SGCZ: variants seen among roughly 807,000 people sequenced by gnomAD.
The protein encoded by SGCZ is sarcoglycan zeta.
Under a neutral mutation model 41.3 loss-of-function variants are expected in SGCZ, and 40 were observed. That is an observed-to-expected ratio of 0.97 (90% CI 0.75 to 1.26). The LOEUF is 1.26. SGCZ is among the 50% of genes most tolerant of loss of function. SGCZ has a pLI of 0.00. For synonymous variants in SGCZ, 206 were observed against 137.5 expected, an observed-to-expected ratio of 1.50 and a Z score of -3.49; for missense variants, 552 against 369.8, an observed-to-expected ratio of 1.49 and a Z score of -4.04.
intron 1 of SGCZ, among the ~76,000 whole-genome samples, chr8:14,599,054 T>G (rs1204231080): frequency 6.6e-6 from 1 of 152,156 alleles, no homozygotes; most frequent in African/African-American, 2.4e-5. Context: ...CCAATGATAT[T>G]GTGGTCTTCC....
At chr8:14,944,231 T>C (rs1297975862) in intron 1 of SGCZ, among the ~76,000 whole-genome samples, 2 of 152,186 alleles carry the variant, frequency 1.3e-5, no homozygotes, top group Admixed American at 1.3e-4. Flanking sequence ...TCTTGGTAGA[T>C]CTCTTAAGCA....
chr8:14,606,132 G>A (rs1481298644), intron 1 of SGCZ, among the ~76,000 whole-genome samples: 1 of 151,644 alleles, frequency 6.6e-6, no homozygotes, highest in Admixed American at 6.6e-5. Flanking sequence ...ACAATGTATA[G>A]CCATGACTTC....
intron 1 of SGCZ, among the ~76,000 whole-genome samples, chr8:14,665,748 T>G (rs1157349616): frequency 6.6e-6 from 1 of 152,198 alleles, no homozygotes; most frequent in Non-Finnish European, 1.5e-5. Flanking sequence ...GCATCTATAT[T>G]TTCTTCTTCT....
chr8:14,361,610 G>A (rs1360167656), intron 2 of SGCZ, among the ~76,000 whole-genome samples: 3 of 152,066 alleles, frequency 2.0e-5, no homozygotes, highest in Non-Finnish European at 4.4e-5. Context: ...TAGCTTCCTT[G>A]CGATGGGTTA....
intron 2 of SGCZ, among the ~76,000 whole-genome samples, chr8:14,506,163 C>G (rs1296887816): frequency 6.6e-6 from 1 of 151,594 alleles, no homozygotes. Context: ...TGATGAAACC[C>G]TGTGTCTACT....
At chr8:14,139,663 C>G (rs892576855) in intron 5 of SGCZ, among the ~76,000 whole-genome samples, 1 of 152,068 alleles carries the variant, frequency 6.6e-6, no homozygotes, top group East Asian at 1.9e-4. Flanking sequence ...CCTGAATAGA[C>G]TAAAAACAGC....
intron 1 of SGCZ, among the ~76,000 whole-genome samples, chr8:14,556,323 A>G (rs890668447): frequency 3.0e-4 from 45 of 151,780 alleles, no homozygotes; most frequent in Admixed American, 2.6e-3. Flanking sequence ...ATTATACACA[A>G]ATAAAAATAA....
chr8:14,456,366 C>T (rs1800745306), intron 2 of SGCZ, among the ~76,000 whole-genome samples: 2 of 152,076 alleles, frequency 1.3e-5, no homozygotes, highest in South Asian at 4.2e-4. Context: ...CAAGACTGCA[C>T]CATTGCACTC....
chr8:14,188,815 TG>T (rs199516200), intron 4 of SGCZ, among the ~76,000 whole-genome samples: 6,703 of 34,188 alleles, frequency 0.2, 187 homozygotes, highest in African/African-American at 0.35. Context: ...TTTGTTTGTT[TG>T]TTTCTTTGTT....
At chr8:14,178,009 G>A (rs1202639249) in intron 4 of SGCZ, among the ~76,000 whole-genome samples, 9 of 120,488 alleles carry the variant, frequency 7.5e-5, no homozygotes, top group African/African-American at 2.3e-4. Context: ...CCAGGCTGGA[G>A]TGCAGTGGCA....
At chr8:15,118,635 G>A (rs1014360114) in intron 1 of SGCZ, among the ~76,000 whole-genome samples, 46 of 152,036 alleles carry the variant, frequency 3.0e-4, no homozygotes, top group African/African-American at 1.1e-3. Flanking sequence ...GAAGTTAATA[G>A]GTCAATCAAA....
chr8:14,200,374 G>A (rs917594137), intron 4 of SGCZ, among the ~76,000 whole-genome samples: 1 of 151,978 alleles, frequency 6.6e-6, no homozygotes, highest in Non-Finnish European at 1.5e-5. Context: ...ATTTGTTAGT[G>A]GAAAATTGAA....
intron 1 of SGCZ, among the ~76,000 whole-genome samples, chr8:15,035,438 C>G (rs79228577): frequency 1.3e-3 from 205 of 152,148 alleles, no homozygotes; most frequent in African/African-American, 4.6e-3. Flanking sequence ...AAGAAAGGAA[C>G]AAAGGATCTG....
At chr8:14,373,488 C>T (rs1387043681) in intron 2 of SGCZ, among the ~76,000 whole-genome samples, 1 of 152,116 alleles carries the variant, frequency 6.6e-6, no homozygotes, top group Non-Finnish European at 1.5e-5. Flanking sequence ...AATAAGTGAG[C>T]TCTCAAGACT....
intron 2 of SGCZ, among the ~76,000 whole-genome samples, chr8:14,403,600 C>T (rs145306437): frequency 0.04 from 6,033 of 151,824 alleles, 374 homozygotes; most frequent in African/African-American, 0.13. Context: ...TTTATTGATT[C>T]GCGTATATTG....
chr8:14,751,407 T>C (rs1372297011), intron 1 of SGCZ, among the ~76,000 whole-genome samples: 1 of 152,126 alleles, frequency 6.6e-6, no homozygotes, highest in African/African-American at 2.4e-5. Context: ...CCATATGACA[T>C]CTTATCTACC....
At chr8:14,496,173 C>T (rs1801982712) in intron 2 of SGCZ, among the ~76,000 whole-genome samples, 1 of 151,684 alleles carries the variant, frequency 6.6e-6, no homozygotes, top group South Asian at 2.1e-4. Flanking sequence ...TCAGGCAATC[C>T]TCCTGCCTCA....
intron 2 of SGCZ, among the ~76,000 whole-genome samples, chr8:14,463,255 A>C (rs948955974): frequency 1.3e-5 from 2 of 151,336 alleles, no homozygotes; most frequent in African/African-American, 4.8e-5. Flanking sequence ...TAGCCAAAAA[A>C]CAGCTTGAAA....
intron 3 of SGCZ, among the ~76,000 whole-genome samples, chr8:14,315,854 A>G (rs759270906): frequency 9.2e-5 from 14 of 151,652 alleles, no homozygotes; most frequent in Non-Finnish European, 1.6e-4. Context: ...AAAAAAAAAT[A>G]TAGTAGGAAA....
Sources: allele counts gnomAD v4.1 joint callset (sites outside exome capture counted in the v4.1 genomes callset), GRCh38; gene constraint gnomAD v4.1.1; transcripts MANE v1.5; gene names NCBI Gene and HGNC (gene_info 2026-07-23, HGNC 2026-07-21).